The following NCKAP5 variants were observed in gnomAD, a reference collection of about 807,000 sequenced individuals.
NCKAP5 encodes the protein NCK associated protein 5, also known as nck-associated protein 5.
A neutral mutation model predicts 167.0 loss-of-function variants in NCKAP5; 92 were observed. The observed-to-expected ratio is 0.55, with a 90% confidence interval of 0.47 to 0.66. The LOEUF (loss-of-function observed/expected upper bound fraction) is 0.66, where lower values mean the gene tolerates loss of function less well. Ranked by LOEUF, NCKAP5 falls within the 30% of genes least tolerant of loss-of-function variation. The probability of loss-of-function intolerance (pLI) is 0.00; values close to 1 mark genes in which losing one functional copy is unlikely to be tolerated. For missense variants in NCKAP5, 2,378 were observed against 2,315.0 expected (o/e 1.03, Z -0.56); for synonymous variants, 891 against 877.4 (o/e 1.02, Z -0.27).
At chr2:133,606,926 C>T in the NCKAP5 span, among the ~76,000 whole-genome samples, 1 of 152,156 alleles carries the variant, frequency 6.6e-6, no homozygotes, top group African/African-American at 2.4e-5. Flanking sequence ...CCACAAGTTA[C>T]AGCTCCACTG....
intron 1 of NCKAP5, among the ~76,000 whole-genome samples, chr2:133,565,029 C>G (rs1688445497): frequency 6.6e-6 from 1 of 152,138 alleles, no homozygotes; most frequent in African/African-American, 2.4e-5. Context: ...CACAGGGACA[C>G]CTACCTGCGG....
intron 11 of NCKAP5, among the ~76,000 whole-genome samples, chr2:132,827,012 T>C (rs1307981549): frequency 6.6e-6 from 1 of 152,086 alleles, no homozygotes; most frequent in Non-Finnish European, 1.5e-5. Flanking sequence ...GAGGCACTGA[T>C]ACGTGAAAAG....
intron 3 of NCKAP5, among the ~76,000 whole-genome samples, chr2:133,364,567 T>C (rs932140257): frequency 3.9e-5 from 6 of 152,124 alleles, no homozygotes; most frequent in Admixed American, 1.3e-4. Flanking sequence ...CTTCCCTGGG[T>C]TTCATGTTCT....
chr2:132,853,653 A>T lies in NCKAP5; in HGVS notation c.807+6839T>A, dbSNP rs530000854. The stretch of plus-strand genomic sequence containing the variant: ...TAAGAGGGAGTAGAATGGGGAGATA[A>T]AAACCCATGAAACAATATGGAAACA... On this transcript the variant is annotated intron_variant, in intron 11 of 19. Coordinates refer to ENST00000409261, the MANE Select transcript of NCKAP5 (RefSeq NM_207363.3). Among the ~76,000 whole-genome samples, 56 of 152,290 alleles carry T rather than the reference A, an allele frequency of 3.7e-4. 1 individual carries two copies. Among genetic ancestry groups the T allele is most frequent in the African/African-American group, 1.3e-3 (53 of 41,548 alleles).
intron 3 of NCKAP5, among the ~76,000 whole-genome samples, chr2:133,417,138 A>AGG (rs1689162450): frequency 2.0e-5 from 3 of 151,200 alleles, no homozygotes; most frequent in Non-Finnish European, 4.4e-5. Context: ...AAAAAAAAAA[A>AGG]AGGCAGTGTT....
intron 6 of NCKAP5, among the ~76,000 whole-genome samples, chr2:133,051,680 T>G (rs550072284): frequency 6.6e-5 from 10 of 152,334 alleles, no homozygotes; most frequent in Non-Finnish European, 1.2e-4. Flanking sequence ...TATTTTCCAA[T>G]GCACTGTGAA....
At chr2:133,047,751 G>A (rs980656908) in intron 6 of NCKAP5, among the ~76,000 whole-genome samples, 5 of 152,164 alleles carry the variant, frequency 3.3e-5, no homozygotes, top group Admixed American at 1.3e-4. Context: ...GGAACAGGGA[G>A]TCAACATTCA....
the NCKAP5 span, among the ~76,000 whole-genome samples, chr2:133,616,507 G>A: frequency 3.8e-4 from 57 of 151,384 alleles, no homozygotes; most frequent in Non-Finnish European, 4.7e-4. Context: ...ACTACCATCA[G>A]AGAATACTAC....
At chr2:132,857,667 G>A (rs1689577477) in intron 11 of NCKAP5, among the ~76,000 whole-genome samples, 1 of 152,166 alleles carries the variant, frequency 6.6e-6, no homozygotes, top group South Asian at 2.1e-4. Flanking sequence ...TAGTTCCAAT[G>A]TTGATTTTAA....
chr2:132,781,909 T>C (rs1352875682), intron 14 of NCKAP5, 31 bp downstream of exon 14: 9 of 1,582,528 alleles, frequency 5.7e-6, no homozygotes, highest in African/African-American at 5.4e-5. Context: ...GGGACCCCTC[T>C]ACATTGCTAC....
intron 10 of NCKAP5, among the ~76,000 whole-genome samples, chr2:132,863,862 G>A (rs982466743): frequency 5.3e-5 from 8 of 152,184 alleles, no homozygotes; most frequent in Admixed American, 6.5e-5. Flanking sequence ...ATGTGCCCAT[G>A]TACACACTCA....
At chr2:133,605,095 T>G in the NCKAP5 span, among the ~76,000 whole-genome samples, 1 of 152,218 alleles carries the variant, frequency 6.6e-6, no homozygotes, top group South Asian at 2.1e-4. Context: ...CTCCCCGGGC[T>G]GTTTGCAAGA....
chr2:132,810,600 G>A (rs1181700601), intron 11 of NCKAP5, among the ~76,000 whole-genome samples: 2 of 152,152 alleles, frequency 1.3e-5, no homozygotes, highest in Non-Finnish European at 2.9e-5. Context: ...ATTTCTAAAA[G>A]TGTGTCCAAA....
chr2:133,418,592 G>A (rs902614008), intron 3 of NCKAP5, among the ~76,000 whole-genome samples: 3 of 152,106 alleles, frequency 2.0e-5, no homozygotes, highest in African/African-American at 7.2e-5. Context: ...GATGGTATGG[G>A]GGCTGTTATT....
intron 11 of NCKAP5, among the ~76,000 whole-genome samples, chr2:132,797,002 A>G (rs568390714): frequency 6.6e-6 from 1 of 152,208 alleles, no homozygotes; most frequent in Non-Finnish European, 1.5e-5. Context: ...GTAGTAGTTA[A>G]AAAAATAAGC....
At chr2:132,816,450 G>A (rs1558815159) in intron 11 of NCKAP5, among the ~76,000 whole-genome samples, 4 of 152,112 alleles carry the variant, frequency 2.6e-5, no homozygotes, top group Admixed American at 1.3e-4. Context: ...GCCCCTGCTT[G>A]TTTCAATGGA....
intron 6 of NCKAP5, chr2:133,118,023 T>C (rs995467575): frequency 1.3e-5 from 2 of 152,202 alleles, no homozygotes; most frequent in Admixed American, 1.3e-4. Context: ...GAACCTAAAA[T>C]GCCCCTTCTT....
Position 132,805,660 on chromosome 2 carries a change from C to CA in NCKAP5, c.808-8932dup, listed in dbSNP as rs61461970. Among the ~76,000 whole-genome samples, 664 of 142,176 alleles carry CA rather than the reference C, an allele frequency of 4.7e-3. 3 individuals carry two copies. Among genetic ancestry groups the CA allele is most frequent in the African/African-American group, 5.9e-3 (235 of 39,542 alleles). The allele number at this position is 142,176 out of a possible 152,430, so 93.3% of individuals were successfully genotyped here. A position where few individuals can be genotyped will look rare whatever the true frequency, so the allele number is the denominator to read the frequency against. Reference sequence around the variant, plus strand: ...ACCTAACTGAAAAAATAAAACTATGCAAAAAAAAAAAAATGAACATTTATA... The same window carrying CA: ...ACCTAACTGAAAAAATAAAACTATGCAAAAAAAAAAAAAATGAACATTTATA... On this transcript the variant is annotated intron_variant, in intron 11 of 19. Transcript: ENST00000409261.
At chr2:133,255,910 T>G (rs2150353558) in intron 4 of NCKAP5, among the ~76,000 whole-genome samples, 1 of 152,338 alleles carries the variant, frequency 6.6e-6, no homozygotes, top group East Asian at 1.9e-4. Context: ...AAGTATGAAC[T>G]GACAGGGAGT....
Sources: allele counts gnomAD v4.1 joint callset (sites outside exome capture counted in the v4.1 genomes callset), GRCh38; gene constraint gnomAD v4.1.1; transcripts MANE v1.5; gene names NCBI Gene and HGNC (gene_info 2026-07-23, HGNC 2026-07-21).